Variants in SPOCK3 observed in about 807,000 individuals in gnomAD.
SPOCK3 encodes the protein testican-3.
In SPOCK3, 30 loss-of-function variants were observed where a neutral mutation model predicts 56.6. The ratio of observed to expected loss-of-function variants is 0.53; its 90% CI spans 0.40 to 0.72. The LOEUF is 0.72. Among genes scored for constraint, SPOCK3 ranks in the 30% least tolerant of loss-of-function variants. The pLI is 0.00. For missense variants in SPOCK3, 527 were observed against 530.0 expected (o/e 0.99, Z 0.06); for synonymous variants, 196 against 183.3 (o/e 1.07, Z -0.56).
intron 7 of SPOCK3, among the ~76,000 whole-genome samples, chr4:166,763,683 A>T (rs1255867457): frequency 6.7e-6 from 1 of 148,656 alleles, no homozygotes; most frequent in East Asian, 2.0e-4. Context: ...TACTCTGGTA[A>T]GTTTCTTACA....
chr4:167,050,432 G>C (rs898289961), intron 3 of SPOCK3, among the ~76,000 whole-genome samples: 2 of 152,124 alleles, frequency 1.3e-5, no homozygotes, highest in Non-Finnish European at 2.9e-5. Flanking sequence ...AGGAAAAATT[G>C]GAACCCTGTG....
chr4:167,222,120 T>C (rs1054012157), intron 2 of SPOCK3, among the ~76,000 whole-genome samples: 1 of 152,166 alleles, frequency 6.6e-6, no homozygotes, highest in Non-Finnish European at 1.5e-5. Context: ...TATTATTCAG[T>C]CTTTTAAGAA....
rs372568973 is a variant in SPOCK3 at position 166,882,411 on chromosome 4, C to G, written c.589+6719G>C. 2.4e-4 allele frequency among the ~76,000 whole-genome samples: 36 copies of G among 152,248 alleles called. No homozygotes were observed. In the South Asian group the frequency reaches 7.2e-3, roughly 31 times the overall value. ...ACACTGTACCATGGTGCTGTCTGGGCTTGCATCAATTGTGATTTGTCGGGA... is the reference window on the plus strand; with the variant it reads ...ACACTGTACCATGGTGCTGTCTGGGGTTGCATCAATTGTGATTTGTCGGGA... On this transcript the variant is annotated intron_variant, in intron 6 of 10. Coordinates refer to ENST00000357545, the MANE Select transcript of SPOCK3 (RefSeq NM_001040159.2).
intron 6 of SPOCK3, among the ~76,000 whole-genome samples, chr4:166,885,203 C>T (rs564265965): frequency 1.4e-4 from 21 of 150,430 alleles, no homozygotes; most frequent in African/African-American, 3.7e-4. Context: ...CAATATTACC[C>T]CAATTCAATT....
At chr4:167,032,477 G>A (rs2150183430) in intron 3 of SPOCK3, among the ~76,000 whole-genome samples, 2 of 152,010 alleles carry the variant, frequency 1.3e-5, no homozygotes, top group East Asian at 3.9e-4. Context: ...TTACAATAGT[G>A]TCAAATTTTG....
At chr4:167,032,198 G>T (rs953108099) in intron 3 of SPOCK3, among the ~76,000 whole-genome samples, 1 of 151,924 alleles carries the variant, frequency 6.6e-6, no homozygotes. Flanking sequence ...GAGAGGGGTA[G>T]TATATGAAGC....
chr4:167,104,188 A>G (rs1009675101), intron 2 of SPOCK3, among the ~76,000 whole-genome samples: 3 of 152,198 alleles, frequency 2.0e-5, no homozygotes, highest in East Asian at 1.9e-4. Flanking sequence ...ACAAACGTCA[A>G]CAGCCATCAA....
intron 6 of SPOCK3, among the ~76,000 whole-genome samples, chr4:166,883,662 T>A (rs892359943): frequency 6.6e-6 from 1 of 152,198 alleles, no homozygotes; most frequent in Admixed American, 6.5e-5. Context: ...GGACCCATTG[T>A]ACTTAGAAAT....
intron 5 of SPOCK3, among the ~76,000 whole-genome samples, chr4:166,909,009 C>A (rs1736952307): frequency 6.6e-6 from 1 of 151,838 alleles, no homozygotes; most frequent in Non-Finnish European, 1.5e-5. Context: ...AACACTGGTT[C>A]TTTTAAAAAG....
At chr4:166,853,588 C>T (rs1012345064) in intron 6 of SPOCK3, among the ~76,000 whole-genome samples, 2 of 152,080 alleles carry the variant, frequency 1.3e-5, no homozygotes, top group East Asian at 1.9e-4. Context: ...AACTAAATAA[C>T]AGTTGTATGG....
At chr4:167,168,227 C>T (rs1443315669) in intron 2 of SPOCK3, among the ~76,000 whole-genome samples, 4 of 152,194 alleles carry the variant, frequency 2.6e-5, no homozygotes, top group South Asian at 2.1e-4. Context: ...GAGTGCGGTG[C>T]TGCTGTAAAT....
chr4:166,971,274 C>A (rs1372208221), intron 4 of SPOCK3, among the ~76,000 whole-genome samples: 1 of 152,064 alleles, frequency 6.6e-6, no homozygotes, highest in Non-Finnish European at 1.5e-5. Context: ...TTATTTTTCC[C>A]CCCATGTTCC....
intron 9 of SPOCK3, among the ~76,000 whole-genome samples, chr4:166,739,832 A>G (rs1284988788): frequency 6.6e-6 from 1 of 152,160 alleles, no homozygotes; most frequent in Non-Finnish European, 1.5e-5. Context: ...TATCTCAAAA[A>G]GTTTGAAAAT....
intron 2 of SPOCK3, chr4:167,102,341 C>T (rs1366315005): frequency 6.6e-6 from 1 of 152,146 alleles, no homozygotes. Flanking sequence ...GAAGCCTTCA[C>T]CAGTTTCCTC....
rs928907600 is a variant in SPOCK3 at position 166,741,979 on chromosome 4, G to A, written c.994+18C>T. The A allele has an allele frequency of 1.9e-6, 3 of 1,581,180 alleles. No individual in the cohort carries two copies. The highest frequency in any genetic ancestry group is 2.7e-5 in the African/African-American group (2 of 74,186). ...TATGTAAGCAATAAAGCCTTCAGAAGAATGATCTATTACTCACCTAGGAGC... is the reference window on the plus strand; with the variant it reads ...TATGTAAGCAATAAAGCCTTCAGAAAAATGATCTATTACTCACCTAGGAGC... On this transcript the variant is annotated intron_variant, in intron 9 of 10. Coordinates refer to ENST00000357545, the MANE Select transcript of SPOCK3 (RefSeq NM_001040159.2).
chr4:166,786,179 AG>A (rs1290704102), intron 7 of SPOCK3, among the ~76,000 whole-genome samples: 2 of 152,158 alleles, frequency 1.3e-5, no homozygotes, highest in African/African-American at 2.4e-5. Context: ...GGATGAAGTG[AG>A]GGAGTGAGCC....
intron 2 of SPOCK3, among the ~76,000 whole-genome samples, chr4:167,176,732 G>C (rs1049236611): frequency 6.6e-6 from 1 of 152,104 alleles, no homozygotes; most frequent in Non-Finnish European, 1.5e-5. Flanking sequence ...GAACTGGACA[G>C]GGTAGAAATA....
intron 2 of SPOCK3, among the ~76,000 whole-genome samples, chr4:167,095,795 G>A (rs557740701): frequency 8.0e-4 from 122 of 151,722 alleles, no homozygotes; most frequent in Non-Finnish European, 1.4e-3. Context: ...GTGCACTTAT[G>A]TGTATAATTA....
chr4:166,764,631 A>G (rs1194763852), intron 7 of SPOCK3, among the ~76,000 whole-genome samples: 3 of 152,120 alleles, frequency 2.0e-5, no homozygotes, highest in African/African-American at 4.8e-5. Flanking sequence ...GCTATTGTGA[A>G]TAGTGCTGCA....
Sources: gnomAD v4.1 joint callset for allele counts (sites outside exome capture counted in the v4.1 genomes callset) on GRCh38, gnomAD v4.1.1 for gene constraint, MANE v1.5 for transcripts, NCBI Gene and HGNC (gene_info 2026-07-23, HGNC 2026-07-21) for gene names.